RTF1: variants seen among roughly 807,000 people sequenced by gnomAD.
The protein encoded by RTF1 is RTF1 homolog, Paf1/RNA polymerase II complex component.
A neutral mutation model predicts 95.7 loss-of-function variants in RTF1; 10 were observed. The observed-to-expected ratio is 0.10, with a 90% CI of 0.06 to 0.18. The LOEUF is 0.18. Among genes scored for constraint, RTF1 ranks in the 10% least tolerant of loss-of-function variants. The pLI is 1.00. For missense variants in RTF1, 458 were observed against 875.6 expected (o/e 0.52, Z 6.02); for synonymous variants, 305 against 311.8 (o/e 0.98, Z 0.23).
At chr15:41,429,353 G>A (rs1176391753) in intron 1 of RTF1, among the ~76,000 whole-genome samples, 1 of 151,872 alleles carries the variant, frequency 6.6e-6, no homozygotes, top group Non-Finnish European at 1.5e-5. Flanking sequence ...CTTGTTTAAT[G>A]CGACTGCTGT....
rs1370679283 is a variant in RTF1 at position 41,417,196 on chromosome 15, G to A, written c.81G>A (p.Gly27=). The A allele has an allele frequency of 1.9e-5, 24 of 1,264,214 alleles. No individual in the cohort carries two copies. Among genetic ancestry groups the A allele is most frequent in the Admixed American group, 1.7e-4 (4 of 23,840 alleles). The allele number at this position is 1,264,214 out of a possible 1,614,324, so 78.3% of individuals were successfully genotyped here. ...VAVPLAGGQE[G]SPGGGRRGSR... ...TCCCACTGGCAGGCGGGCAAGAGGGGAGTCCGGGCGGCGGCCGGCGTGGGA... is the reference window on the plus strand; with the variant it reads ...TCCCACTGGCAGGCGGGCAAGAGGGAAGTCCGGGCGGCGGCCGGCGTGGGA... Residue 27 remains glycine, a synonymous_variant, in exon 1 of 18, where the codon GGG becomes GGA. Transcript: ENST00000389629.
intron 1 of RTF1, among the ~76,000 whole-genome samples, chr15:41,422,767 C>G (rs1315599720): frequency 3.3e-5 from 5 of 152,090 alleles, no homozygotes; most frequent in African/African-American, 1.2e-4. Context: ...ATAGGCCCCC[C>G]TAAGTATTTT....
intron 3 of RTF1, among the ~76,000 whole-genome samples, chr15:41,457,452 G>C (rs1418184757): frequency 3.9e-5 from 6 of 152,056 alleles, no homozygotes; most frequent in Non-Finnish European, 5.9e-5. Flanking sequence ...AGAATCGCTT[G>C]AACCCGGGAG....
intron 2 of RTF1, among the ~76,000 whole-genome samples, chr15:41,444,434 C>T (rs796778120): frequency 5.9e-5 from 9 of 152,046 alleles, no homozygotes; most frequent in African/African-American, 2.2e-4. Context: ...GCTGGGATTA[C>T]AGGCGCCTGC....
At chr15:41,456,592 T>C (rs1595434529) in intron 3 of RTF1, among the ~76,000 whole-genome samples, 1 of 139,762 alleles carries the variant, frequency 7.2e-6, no homozygotes, top group African/African-American at 2.7e-5. Flanking sequence ...AGGTCAGGAG[T>C]TCAAGACCAA....
chr15:41,476,412 A>G, intron 11 of RTF1, 34 bp from the exon 12 acceptor site: 1 of 1,584,164 alleles, frequency 6.3e-7, no homozygotes, highest in Non-Finnish European at 8.7e-7. Context: ...TAGCTTAGGA[A>G]TACCTCACTG....
At chr15:41,448,076 C>A (rs1202800402) in intron 2 of RTF1, among the ~76,000 whole-genome samples, 1 of 152,100 alleles carries the variant, frequency 6.6e-6, no homozygotes, top group Admixed American at 6.6e-5. Context: ...GGACTAATAG[C>A]TGGATTAAGA....
intron 3 of RTF1, among the ~76,000 whole-genome samples, chr15:41,455,406 C>T (rs2050808256): frequency 6.6e-6 from 1 of 151,960 alleles, no homozygotes; most frequent in Non-Finnish European, 1.5e-5. Flanking sequence ...TTCAGTGGAG[C>T]TGGAGGCCAT....
intron 2 of RTF1, among the ~76,000 whole-genome samples, chr15:41,451,450 A>G (rs1056507746): frequency 2.0e-5 from 3 of 152,132 alleles, no homozygotes; most frequent in Admixed American, 6.6e-5. Context: ...CTTGATGAAG[A>G]TGGTTTTTTG....
intron 2 of RTF1, among the ~76,000 whole-genome samples, chr15:41,451,461 G>T (rs904029218): frequency 1.3e-5 from 2 of 152,040 alleles, no homozygotes; most frequent in African/African-American, 4.8e-5. Context: ...TGGTTTTTTG[G>T]CCTTGGGGTA....
chr15:41,465,154 CCCTTCCCTTCCT>C (rs945964992), intron 5 of RTF1, among the ~76,000 whole-genome samples: 7 of 150,784 alleles, frequency 4.6e-5, no homozygotes, highest in Non-Finnish European at 1.0e-4. Context: ...TCCTCCTTCC[CCCTTCCCTTCCT>C]CCTTCCCTTC....
At chr15:41,430,847 G>A (rs2050666217) in intron 1 of RTF1, among the ~76,000 whole-genome samples, 1 of 152,146 alleles carries the variant, frequency 6.6e-6, no homozygotes, top group Non-Finnish European at 1.5e-5. Flanking sequence ...AGTGCATCTT[G>A]TATCTTTCAC....
chr15:41,480,540 T>C, intron 17 of RTF1, 41 bp from the exon 18 acceptor site: 1 of 1,455,616 alleles, frequency 6.9e-7, no homozygotes, highest in East Asian at 2.3e-5. Context: ...TAAGAGGACT[T>C]TGTGGGACCT....
At chr15:41,430,092 C>G (rs750236872) in intron 1 of RTF1, among the ~76,000 whole-genome samples, 2 of 150,120 alleles carry the variant, frequency 1.3e-5, no homozygotes, top group Non-Finnish European at 3.0e-5. Flanking sequence ...ACTGCCATCC[C>G]TACCTCCTGG....
In RTF1 at chr15:41,482,865, A is replaced by T. The variant is rs2050985070; in HGVS notation, c.*2178A>T. The T allele has an allele frequency of 6.6e-6, 1 of 150,406 alleles. No individual in the cohort carries two copies. The highest frequency in any genetic ancestry group is 2.1e-4 in the South Asian group (1 of 4,730). The allele number at this position is 150,406 out of a possible 1,614,324, so 9.3% of individuals were successfully genotyped here. On this transcript the variant is annotated 3_prime_UTR_variant, in exon 18 of 18. Coordinates refer to ENST00000389629, the MANE Select transcript of RTF1 (RefSeq NM_015138.5). ...TAAAAAACATAAAATTATAGAATCC[A>T]GATAATTCGCTGGAGTCATTCTGAT...
intron 15 of RTF1, 74 bp downstream of exon 15, chr15:41,478,699 A>G: frequency 8.1e-7 from 1 of 1,228,914 alleles, no homozygotes; most frequent in Non-Finnish European, 1.2e-6. Flanking sequence ...TAGGAAATTA[A>G]TAATGAAGTT....
At chr15:41,443,832 C>T (rs1419354223) in intron 2 of RTF1, among the ~76,000 whole-genome samples, 2 of 151,914 alleles carry the variant, frequency 1.3e-5, no homozygotes, top group Admixed American at 6.6e-5. Context: ...CTTTGGGAGG[C>T]CGAGACAGGC....
chr15:41,432,196 C>CTT (rs1324449834), intron 1 of RTF1, among the ~76,000 whole-genome samples: 74 of 136,908 alleles, frequency 5.4e-4, no homozygotes, highest in African/African-American at 1.5e-3. Context: ...GTTAGGTTTT[C>CTT]TTTTTTTTTT....
rs139619519 is a variant in RTF1, at chr15:41,466,175, G to T, written c.812G>T (p.Arg271Leu). 1 of 1,591,850 alleles carries T rather than the reference G, an allele frequency of 6.3e-7. No individual in the cohort carries two copies. The highest frequency in any genetic ancestry group is 8.5e-7 in the Non-Finnish European group (1 of 1,170,018). The change falls in exon 6 of 18, where the codon CGG (arginine) becomes CTG (leucine). Residue 271 changes from arginine (R) to leucine (L), a missense_variant. Around this residue, in one of 11 missense-constraint regions of RTF1, gnomAD observed 39 missense variants for 43.8 expected, o/e 0.89. Coordinates refer to ENST00000389629, the MANE Select transcript of RTF1 (RefSeq NM_015138.5). ...CACAACAAGGAACGGCGTTCCAAGC[G>T]GGATGAGAAACTAGACAAGAAATCT... ...TSHNKERRSK[R>L]DEKLDKKSQA...
Sources: allele counts gnomAD v4.1 joint callset (sites outside exome capture counted in the v4.1 genomes callset), GRCh38; gene constraint gnomAD v4.1.1; regional missense constraint gnomAD v4.1.1; transcripts MANE v1.5; gene names NCBI Gene and HGNC (gene_info 2026-07-23, HGNC 2026-07-21).